Variants in CCSAP observed in about 807,000 individuals in gnomAD.
The protein encoded by CCSAP is centriole, cilia and spindle-associated protein.
CCSAP carries 17 observed loss-of-function variants against 25.9 expected under a neutral mutation model. The ratio of observed to expected loss-of-function variants is 0.66; its 90% CI spans 0.45 to 0.99. The LOEUF is 0.99. Among genes scored for constraint, CCSAP ranks in the 50% least tolerant of loss-of-function variants. The pLI is 0.00. For missense variants in CCSAP, 339 were observed against 367.8 expected, an observed-to-expected ratio of 0.92 and a Z score of 0.64; for synonymous variants, 169 against 157.1, an observed-to-expected ratio of 1.08 and a Z score of -0.57.
At chr1:229,341,236 G>C (rs1658326511) in intron 2 of CCSAP, among the ~76,000 whole-genome samples, 1 of 151,046 alleles carries the variant, frequency 6.6e-6, no homozygotes, top group Non-Finnish European at 1.5e-5. Context: ...TCTCTTTTGG[G>C]ATTGTTTTGA....
intron 2 of CCSAP, among the ~76,000 whole-genome samples, chr1:229,334,098 TCTCA>T (rs1315994216): frequency 6.6e-6 from 1 of 152,168 alleles, no homozygotes; most frequent in Non-Finnish European, 1.5e-5. Context: ...TGAGAAACAG[TCTCA>T]CTCTGTCACC....
At chr1:229,330,130 G>A (rs1658034001) in intron 2 of CCSAP, among the ~76,000 whole-genome samples, 1 of 152,122 alleles carries the variant, frequency 6.6e-6, no homozygotes, top group Non-Finnish European at 1.5e-5. Context: ...CAGACTGACA[G>A]GTGGACAGAC....
chr1:229,337,678 A>AAAAAAAAAATATATAT, intron 2 of CCSAP, among the ~76,000 whole-genome samples: 3 of 65,510 alleles, frequency 4.6e-5, no homozygotes, highest in Admixed American at 1.9e-4. Context: ...CTCAAAAAAA[A>AAAAAAAAAATATATAT]ATATATATAT....
rs944005602 is a variant in CCSAP at position 229,324,261 on chromosome 1, A to G, written c.*974T>C. The G allele has an allele frequency of 2.0e-5, 3 of 152,474 alleles. No homozygotes were observed. The highest frequency in any genetic ancestry group is 7.2e-5 in the African/African-American group (3 of 41,438). The allele number at this position is 152,474 out of a possible 1,614,324, so 9.4% of individuals were successfully genotyped here. A position where few individuals can be genotyped will look rare whatever the true frequency, so the allele number is the denominator to read the frequency against. ...CAGTCTATCTAACAGGCATCTTCACACTGGTCCCCATCCCAGTGGAACAAG... is the reference window on the plus strand; with the variant it reads ...CAGTCTATCTAACAGGCATCTTCACGCTGGTCCCCATCCCAGTGGAACAAG... On this transcript the variant is annotated 3_prime_UTR_variant, in exon 4 of 4. Coordinates refer to ENST00000284617, the MANE Select transcript of CCSAP (RefSeq NM_145257.5).
At chr1:229,340,476 T>C in intron 2 of CCSAP, 2 of 713,716 alleles carry the variant, frequency 2.8e-6, no homozygotes, top group African/African-American at 3.5e-5. Flanking sequence ...TGCAAATATT[T>C]GACAACTCCA....
chr1:229,328,649 G>A (rs1658001257), intron 2 of CCSAP, among the ~76,000 whole-genome samples: 1 of 152,146 alleles, frequency 6.6e-6, no homozygotes, highest in African/African-American at 2.4e-5. Flanking sequence ...TCTATATAAG[G>A]TCTTATCACC....
At chr1:229,331,203 G>C (rs1004572712) in intron 2 of CCSAP, among the ~76,000 whole-genome samples, 1 of 151,790 alleles carries the variant, frequency 6.6e-6, no homozygotes, top group African/African-American at 2.4e-5. Context: ...ACAAAGACCA[G>C]TGTGTTGTAA....
chr1:229,336,677 C>T (rs1311686657), intron 2 of CCSAP, among the ~76,000 whole-genome samples: 1 of 152,166 alleles, frequency 6.6e-6, no homozygotes, highest in Non-Finnish European at 1.5e-5. Flanking sequence ...AGGCTAAGAG[C>T]AAACATCTGA....
At position 229,322,923 on chromosome 1, in the gene CCSAP, C is replaced by G. The variant is rs1363205799; in HGVS notation, c.*2312G>C. 3 of 152,172 alleles carry G rather than the reference C, an allele frequency of 2.0e-5. No individual in the cohort carries two copies. The East Asian group carries it at 5.8e-4, about 29-fold the overall frequency. The allele number at this position is 152,172 out of a possible 1,614,324, so 9.4% of individuals were successfully genotyped here. A position where few individuals can be genotyped will look rare whatever the true frequency, so the allele number is the denominator to read the frequency against. ...TTCAACATGAAAGGTAATTTTTAAA[C>G]TGTCTCACTGTCTTGCAGGTTGTCC... On this transcript the variant is annotated 3_prime_UTR_variant, in exon 4 of 4. Coordinates refer to ENST00000284617, the MANE Select transcript of CCSAP (RefSeq NM_145257.5).
chr1:229,341,775 CTCAGTGG>C (rs1658339120), intron 2 of CCSAP, among the ~76,000 whole-genome samples: 1 of 152,056 alleles, frequency 6.6e-6, no homozygotes. Flanking sequence ...GCAGATGGGA[CTCAGTGG>C]TTCGCCAAGA....
chr1:229,334,482 G>T (rs562661578), intron 2 of CCSAP, among the ~76,000 whole-genome samples: 34 of 151,866 alleles, frequency 2.2e-4, no homozygotes, highest in Admixed American at 8.5e-4. Context: ...AGCCTGAAAT[G>T]AACATATCAA....
rs2102691658 is a variant in CCSAP, at chr1:229,327,004, G to A, written c.370C>T (p.Leu124=). The A allele has an allele frequency of 2.5e-6, 4 of 1,601,028 alleles. No individual in the cohort carries two copies. Among genetic ancestry groups the A allele is most frequent in the Non-Finnish European group, 8.5e-7 (1 of 1,173,092 alleles). The change falls in exon 3 of 4, where the codon CTG becomes TTG. Residue 124 remains leucine (L), a splice_region_variant and synonymous_variant. Transcript: ENST00000284617. ...EDAEDAALPA[L]PVKDVEDKPE... ...TTATCTTCTACATCTTTCACTGGCA[G>A]TGCTTTTGAAAAGAGATAAATGAGA...
intron 2 of CCSAP, among the ~76,000 whole-genome samples, chr1:229,335,306 G>C (rs1658171379): frequency 6.6e-6 from 1 of 151,974 alleles, no homozygotes; most frequent in Non-Finnish European, 1.5e-5. Flanking sequence ...GCAACAGACT[G>C]AGACCCTGTC....
Position 229,325,114 on chromosome 1 carries a change from A to G in CCSAP, c.*121T>C. 9.9e-7 allele frequency: 1 copy of G among 1,011,722 alleles called. No individual in the cohort carries two copies. The highest frequency in any genetic ancestry group is 1.4e-6 in the Non-Finnish European group (1 of 703,260). 62.7% of individuals were successfully genotyped at this position (1,011,722 alleles called of 1,614,324 possible). On this transcript the variant is annotated 3_prime_UTR_variant, in exon 4 of 4. Transcript: ENST00000284617. ...ACAATCTTTTACAAATTCCCTAAAA[A>G]AAACCTTGCATAATCAGTTGGTTTC... is the stretch of plus-strand genomic sequence containing the variant.
At chr1:229,340,266 CT>C (rs1418439454) in intron 2 of CCSAP, 4 of 626,436 alleles carry the variant, frequency 6.4e-6, no homozygotes, top group Non-Finnish European at 1.2e-5. Context: ...ACAAAAGATG[CT>C]GCGATTGAGT....
chr1:229,337,706 C>CATATATATAT (rs397733324), intron 2 of CCSAP, among the ~76,000 whole-genome samples: 14,584 of 84,104 alleles, frequency 0.17, 1,491 homozygotes, highest in Non-Finnish European at 0.22. Context: ...TATACACATA[C>CATATATATAT]ATATATATAT....
At chr1:229,329,567 G>C (rs192502675) in intron 2 of CCSAP, among the ~76,000 whole-genome samples, 35 of 152,266 alleles carry the variant, frequency 2.3e-4, no homozygotes, top group African/African-American at 8.4e-4. Flanking sequence ...GGTCCTATTT[G>C]TATTTTAGGA....
chr1:229,326,614 C>A, intron 3 of CCSAP, 124 bp downstream of exon 3: 2 of 1,123,014 alleles, frequency 1.8e-6, no homozygotes, highest in Non-Finnish European at 2.6e-6. Context: ...ACCATGCTAT[C>A]CCCTAAGATC....
intron 2 of CCSAP, among the ~76,000 whole-genome samples, chr1:229,338,617 A>G (rs1658258254): frequency 6.6e-6 from 1 of 152,020 alleles, no homozygotes; most frequent in African/African-American, 2.4e-5. Context: ...CTTAAATAAG[A>G]ATGAGAAACG....
Sources: gnomAD v4.1 joint callset for allele counts (sites outside exome capture counted in the v4.1 genomes callset) on GRCh38, gnomAD v4.1.1 for gene constraint, MANE v1.5 for transcripts, NCBI Gene and HGNC (gene_info 2026-07-23, HGNC 2026-07-21) for gene names.